RAD21L1: variants seen among roughly 807,000 people sequenced by gnomAD.
RAD21L1 encodes RAD21 cohesin complex component like 1.
RAD21L1 carries 47 observed loss-of-function variants against 69.0 expected under a neutral mutation model. That is an observed-to-expected ratio of 0.68 (90% CI 0.54 to 0.87). The LOEUF (loss-of-function observed/expected upper bound fraction) is 0.87. RAD21L1 is among the 40% of genes least tolerant of loss of function. The pLI is 0.00. For synonymous variants in RAD21L1, 177 were observed against 205.8 expected (o/e 0.86, Z 1.20); for missense variants, 583 against 647.6 (o/e 0.90, Z 1.08).
chr20:1,244,751 T>G (rs1018247319), intron 11 of RAD21L1, among the ~76,000 whole-genome samples: 2 of 152,334 alleles, frequency 1.3e-5, no homozygotes, highest in Non-Finnish European at 2.9e-5. Context: ...TTTTATTGGT[T>G]GTACAAATAT....
intron 5 of RAD21L1, among the ~76,000 whole-genome samples, chr20:1,235,517 G>A (rs2087475737): frequency 6.6e-6 from 1 of 152,102 alleles, no homozygotes; most frequent in Admixed American, 6.6e-5. Context: ...TGTTATTAGA[G>A]TCAACATATA....
chr20:1,241,053 G>A (rs919778820), intron 8 of RAD21L1, among the ~76,000 whole-genome samples: 1 of 152,184 alleles, frequency 6.6e-6, no homozygotes, highest in Non-Finnish European at 1.5e-5. Flanking sequence ...CCACTCTGGG[G>A]CTCATTTGTC....
rs552870078 is a variant in RAD21L1 at position 1,247,405 on chromosome 20, A to T, written c.1401+1100A>T. Among the ~76,000 whole-genome samples the T allele has an allele frequency of 7.8e-4, 119 of 152,282 alleles. 1 individual carries two copies. The highest frequency in any genetic ancestry group is 1.8e-3 in the Admixed American group (28 of 15,286). ...ACAAAGAGGTTTTTACATTTCAAAAACTGCATTTGTTTATTTAACAATAAA... is the reference window on the plus strand; with the variant it reads ...ACAAAGAGGTTTTTACATTTCAAAATCTGCATTTGTTTATTTAACAATAAA... On this transcript the variant is annotated intron_variant, in intron 12 of 13. Transcript: ENST00000683101.
chr20:1,238,999 C>G (rs776429388), intron 6 of RAD21L1, among the ~76,000 whole-genome samples: 2 of 151,722 alleles, frequency 1.3e-5, no homozygotes, highest in Non-Finnish European at 2.9e-5. Context: ...AATTTTTTTT[C>G]TAGTTTTAGT....
intron 6 of RAD21L1, among the ~76,000 whole-genome samples, chr20:1,238,747 T>C (rs1049132389): frequency 9.2e-5 from 14 of 152,318 alleles, no homozygotes; most frequent in Admixed American, 7.2e-4. Flanking sequence ...TAACATAGAC[T>C]ATTTCACATT....
intron 13 of RAD21L1, among the ~76,000 whole-genome samples, chr20:1,249,624 A>G (rs1172790383): frequency 6.6e-6 from 1 of 152,200 alleles, no homozygotes; most frequent in Non-Finnish European, 1.5e-5. Context: ...TTTACACTTC[A>G]TTGACCAGTA....
chr20:1,248,720 T>A lies in RAD21L1; in HGVS notation c.1479+17T>A, dbSNP rs2087767288. The stretch of plus-strand genomic sequence containing the variant: ...CGTTTACGGGTGAGATGCTAGGGTT[T>A]GTCAACCCTGTTTTTATTTTAAAAA... On this transcript the variant is annotated intron_variant, in intron 13 of 13. Coordinates refer to ENST00000683101, the MANE Select transcript of RAD21L1 (RefSeq NM_001384355.1). 1 of 1,361,048 alleles carries A rather than the reference T, an allele frequency of 7.3e-7. No homozygotes were observed. The highest frequency in any genetic ancestry group is 1.0e-6 in the Non-Finnish European group (1 of 995,074). 84.3% of individuals were successfully genotyped at this position (1,361,048 alleles called of 1,614,324 possible).
rs530481181 is a variant in RAD21L1 at position 1,246,971 on chromosome 20, G to T, written c.1401+666G>T. 3.0e-4 allele frequency among the ~76,000 whole-genome samples: 45 copies of T among 152,156 alleles called. No homozygotes were observed. Among genetic ancestry groups the T allele is most frequent in the African/African-American group, 7.0e-4 (29 of 41,532 alleles). ...CACCTAGTAAGCCTGATGTTAATTT[G>T]CTTCTATAAAATTATCTATATATTG... is the stretch of plus-strand genomic sequence containing the variant. On this transcript the variant is annotated intron_variant, in intron 12 of 13. Transcript: ENST00000683101. This position sits in a 1 kb window ranked among gnomAD's most constrained non-coding sequence, Gnocchi z 4.6.
Position 1,244,732 on chromosome 20 carries a change from C to T in RAD21L1, c.1308+562C>T, listed in dbSNP as rs1420528261. On this transcript the variant is annotated intron_variant, in intron 11 of 13. Transcript: ENST00000683101. ...AATAATGTACTTTGAAATATTTTCTCAGTTGTTATTTTATTGGTTGTACAA... is the reference window on the plus strand; with the variant it reads ...AATAATGTACTTTGAAATATTTTCTTAGTTGTTATTTTATTGGTTGTACAA... Among the ~76,000 whole-genome samples the T allele has an allele frequency of 2.0e-5, 3 of 152,148 alleles. No individual in the cohort carries two copies. The East Asian group carries it at 5.8e-4, about 29-fold the overall frequency.
At chr20:1,226,244 C>T (rs1362684202) in intron 1 of RAD21L1, 104 bp downstream of exon 1, 1 of 151,746 alleles carries the variant, frequency 6.6e-6, no homozygotes, top group Non-Finnish European at 1.5e-5. Flanking sequence ...GGCGCCGGCG[C>T]CTCACGCCGT....
At chr20:1,236,043 C>A (rs1168819692) in intron 5 of RAD21L1, among the ~76,000 whole-genome samples, 1 of 152,192 alleles carries the variant, frequency 6.6e-6, no homozygotes, top group Non-Finnish European at 1.5e-5. Context: ...GCTGGGATTG[C>A]AGGCATGACC....
At chr20:1,240,462 A>G (rs894156664) in intron 8 of RAD21L1, 28 bp downstream of exon 8, 1 of 1,530,532 alleles carries the variant, frequency 6.5e-7, no homozygotes, top group Admixed American at 2.2e-5. Flanking sequence ...TTTTGTTTTA[A>G]TTTTTAATAC....
At position 1,255,047 on chromosome 20, in the gene RAD21L1, G is replaced by A. The variant is rs1056559339; in HGVS notation, c.*590G>A. Among the ~76,000 whole-genome samples the A allele has an allele frequency of 1.2e-4, 18 of 152,126 alleles. No homozygotes were observed. Among genetic ancestry groups the A allele is most frequent in the African/African-American group, 3.6e-4 (15 of 41,418 alleles). Reference sequence around the variant, plus strand: ...TCTACACAGACTATTTGGTTGCAACGTATATCATACTTGATTTGACATAAT... The same window carrying A: ...TCTACACAGACTATTTGGTTGCAACATATATCATACTTGATTTGACATAAT... On this transcript the variant is annotated 3_prime_UTR_variant, in exon 14 of 14. Coordinates refer to ENST00000683101, the MANE Select transcript of RAD21L1 (RefSeq NM_001384355.1).
At chr20:1,239,857 C>T (rs1368341762) in intron 7 of RAD21L1, among the ~76,000 whole-genome samples, 9 of 152,040 alleles carry the variant, frequency 5.9e-5, no homozygotes. Flanking sequence ...TTATTTGCCA[C>T]AATTTTTGAT....
chr20:1,231,660 G>T, intron 4 of RAD21L1, 41 bp downstream of exon 4: 2 of 1,042,554 alleles, frequency 1.9e-6, no homozygotes, highest in Admixed American at 2.4e-5. Context: ...TAATTTTCTT[G>T]ATATTTGTTT....
chr20:1,253,340 A>G (rs1048305955), intron 13 of RAD21L1, among the ~76,000 whole-genome samples: 4 of 152,132 alleles, frequency 2.6e-5, no homozygotes, highest in Admixed American at 6.6e-5. Context: ...ACTGTCACCC[A>G]GGCCAGAGTG....
chr20:1,231,858 T>C (rs2087397682), intron 4 of RAD21L1, among the ~76,000 whole-genome samples: 1 of 152,224 alleles, frequency 6.6e-6, no homozygotes, highest in African/African-American at 2.4e-5. Flanking sequence ...AAATATTCAC[T>C]GAGTGCCTTC....
intron 6 of RAD21L1, among the ~76,000 whole-genome samples, chr20:1,238,558 T>C (rs1016001006): frequency 6.6e-6 from 1 of 152,036 alleles, no homozygotes; most frequent in African/African-American, 2.4e-5. Flanking sequence ...TTCTTTAACA[T>C]ACATTGTGGG....
intron 8 of RAD21L1, 58 bp downstream of exon 8, chr20:1,240,492 T>C: frequency 6.7e-7 from 1 of 1,495,074 alleles, no homozygotes; most frequent in Non-Finnish European, 8.9e-7. Context: ...TTATTTACTT[T>C]GAGATGTTTG....
Sources: gnomAD v4.1 joint callset for allele counts (sites outside exome capture counted in the v4.1 genomes callset) on GRCh38, gnomAD v4.1.1 for gene constraint, Gnocchi (gnomAD v3.1) non-coding constraint, MANE v1.5 for transcripts, NCBI Gene and HGNC (gene_info 2026-07-23, HGNC 2026-07-21) for gene names.